GPATCH2L: variants seen among roughly 807,000 people sequenced by gnomAD.
GPATCH2L encodes the protein G-patch domain containing 2 like, also known as G patch domain-containing protein 2-like.
In GPATCH2L, 31 loss-of-function variants were observed where a neutral mutation model predicts 57.4. That is an observed-to-expected ratio of 0.54 (90% CI 0.41 to 0.73). The LOEUF (loss-of-function observed/expected upper bound fraction) is 0.73. GPATCH2L is among the 30% of genes least tolerant of loss of function. The pLI is 0.00. For synonymous variants in GPATCH2L, 199 were observed against 210.7 expected (o/e 0.94, Z 0.48); for missense variants, 481 against 599.9 (o/e 0.80, Z 2.07).
downstream of GPATCH2L, among the ~76,000 whole-genome samples, chr14:76,214,616 G>A (rs186820640): frequency 5.4e-4 from 82 of 152,152 alleles, no homozygotes; most frequent in African/African-American, 1.8e-3. Context: ...AGCTCTCTGG[G>A]GTCTCTTTTA....
At chr14:76,187,494 AT>A (rs1340707082) in intron 8 of GPATCH2L, among the ~76,000 whole-genome samples, 1 of 152,158 alleles carries the variant, frequency 6.6e-6, no homozygotes, top group Non-Finnish European at 1.5e-5. Context: ...CCCTAGAAAT[AT>A]CAAATTTTTT....
chr14:76,217,467 G>A (rs561631561), downstream of GPATCH2L, among the ~76,000 whole-genome samples: 19 of 151,988 alleles, frequency 1.3e-4, no homozygotes, highest in African/African-American at 4.6e-4. Context: ...TTGGTAGAAG[G>A]GAATGTAAAT....
chr14:76,190,434 A>C (rs12432637), intron 8 of GPATCH2L, among the ~76,000 whole-genome samples: 31,229 of 151,936 alleles, frequency 0.21, 3,548 homozygotes, highest in African/African-American at 0.3. Context: ...AAATACCACC[A>C]CAGTGGGGAA....
At position 76,220,522 on chromosome 14, in the gene GPATCH2L, AAGTACCTGAT is replaced by A. The variant is rs1396097680; in HGVS notation, c.66-9280_66-9271del. ...ATAGAAAACAAAATTACAGACCTAGAAGTACCTGATAGTACAAGTAGTGATTAATAATATG... is the reference window on the plus strand; with the variant it reads ...ATAGAAAACAAAATTACAGACCTAGAAGTACAAGTAGTGATTAATAATATG... On this transcript the variant is annotated intron_variant and NMD_transcript_variant, in intron 1 of 3. Coordinates refer to the GPATCH2L transcript ENST00000556372. 3.9e-5 allele frequency among the ~76,000 whole-genome samples: 6 copies of A among 152,354 alleles called. No homozygotes were observed. The South Asian group carries it at 1.2e-3, about 32-fold the overall frequency.
intron 8 of GPATCH2L, among the ~76,000 whole-genome samples, chr14:76,182,601 AAAAAAG>A (rs2039616293): frequency 3.3e-5 from 5 of 150,688 alleles, no homozygotes; most frequent in East Asian, 1.9e-4. Flanking sequence ...AAAAAAAAAA[AAAAAAG>A]AAAAGAATGT....
chr14:76,182,602 A>AAAG, intron 8 of GPATCH2L, among the ~76,000 whole-genome samples: 1 of 149,548 alleles, frequency 6.7e-6, no homozygotes, highest in African/African-American at 2.5e-5. Flanking sequence ...AAAAAAAAAA[A>AAAG]AAAAGAAAAG....
At chr14:76,219,473 G>A (rs992553283) in intron 1 of GPATCH2L, among the ~76,000 whole-genome samples, 1 of 152,142 alleles carries the variant, frequency 6.6e-6, no homozygotes, top group African/African-American at 2.4e-5. Flanking sequence ...CAAGTATAAA[G>A]AGTTGGCAGT....
chr14:76,196,055 A>G (rs925560087), intron 9 of GPATCH2L, 83 bp downstream of exon 9: 12 of 1,006,430 alleles, frequency 1.2e-5, no homozygotes, highest in Middle Eastern at 2.0e-4. Context: ...TTTTCATGTA[A>G]TGTTTGTGAT....
intron 2 of GPATCH2L, among the ~76,000 whole-genome samples, chr14:76,155,936 C>T (rs1387456402): frequency 2.6e-5 from 4 of 152,164 alleles, no homozygotes. Flanking sequence ...TGAGTACTCC[C>T]AGTTGAGAAC....
At chr14:76,184,715 C>G (rs972339821) in intron 8 of GPATCH2L, among the ~76,000 whole-genome samples, 5 of 152,126 alleles carry the variant, frequency 3.3e-5, no homozygotes, top group African/African-American at 1.2e-4. Context: ...GAATAGCACT[C>G]TGGAAATAGT....
In GPATCH2L at chr14:76,213,866, G is replaced by A. The variant is rs2040467936; in HGVS notation, c.*12015G>A. On this transcript the variant is annotated 3_prime_UTR_variant, in exon 10 of 10. Transcript: ENST00000261530. Reference sequence around the variant, plus strand: ...TACATACTTTATTTGAATTGTAGCTGTTTTCCCAGTAATGTTGTTTTTCTG... The same window carrying A: ...TACATACTTTATTTGAATTGTAGCTATTTTCCCAGTAATGTTGTTTTTCTG... The A allele has an allele frequency of 6.6e-6, 1 of 152,124 alleles. No homozygotes were observed. Among genetic ancestry groups the A allele is most frequent in the Admixed American group, 6.6e-5 (1 of 15,262 alleles). The allele number at this position is 152,124 out of a possible 1,614,324, so 9.4% of individuals were successfully genotyped here. A position where few individuals can be genotyped will look rare whatever the true frequency, so the allele number is the denominator to read the frequency against.
downstream of GPATCH2L, among the ~76,000 whole-genome samples, chr14:76,214,805 T>A (rs1324750006): frequency 6.6e-6 from 1 of 152,214 alleles, no homozygotes; most frequent in Admixed American, 6.5e-5. Context: ...CAAAGGTCAG[T>A]CAGTTTTATC....
intron 6 of GPATCH2L, among the ~76,000 whole-genome samples, chr14:76,176,910 A>G (rs891495745): frequency 1.3e-5 from 2 of 152,140 alleles, no homozygotes; most frequent in African/African-American, 4.8e-5. Flanking sequence ...TTATACCTAC[A>G]GATGCTGCAT....
intron 9 of GPATCH2L, among the ~76,000 whole-genome samples, chr14:76,199,202 G>A (rs899693824): frequency 6.6e-5 from 10 of 152,098 alleles, no homozygotes; most frequent in African/African-American, 2.2e-4. Flanking sequence ...GTTTTAAAAA[G>A]TTAAAATCTT....
Position 76,195,296 on chromosome 14 carries a change from G to A in GPATCH2L, c.1194-582G>A, listed in dbSNP as rs2040112353. ...ACAGAATCGTTTGCTTTTAAAATAA[G>A]CTGAGTATTCAGATGAAGGAACATA... On this transcript the variant is annotated intron_variant, in intron 8 of 9. Transcript: ENST00000261530. Among the ~76,000 whole-genome samples the A allele has an allele frequency of 2.6e-5, 4 of 152,240 alleles. No individual in the cohort carries two copies. The South Asian group carries it at 8.3e-4, about 32-fold the overall frequency.
intron 1 of GPATCH2L, among the ~76,000 whole-genome samples, chr14:76,227,939 G>A (rs2139872945): frequency 6.6e-6 from 1 of 152,260 alleles, no homozygotes; most frequent in Non-Finnish European, 1.5e-5. Flanking sequence ...CTGTCCTCAG[G>A]GAGCAAGGAA....
At chr14:76,169,853 A>G (rs1183421215) in intron 3 of GPATCH2L, among the ~76,000 whole-genome samples, 1 of 152,248 alleles carries the variant, frequency 6.6e-6, no homozygotes, top group Admixed American at 6.5e-5. Context: ...TCATCTATGT[A>G]TCTGGTTTCG....
At chr14:76,155,443 G>A (rs1289662152) in intron 2 of GPATCH2L, among the ~76,000 whole-genome samples, 1 of 152,186 alleles carries the variant, frequency 6.6e-6, no homozygotes, top group Non-Finnish European at 1.5e-5. Flanking sequence ...GTTCCATTAA[G>A]TTGCCTGTCC....
At chr14:76,167,481 A>G (rs1854988936) in intron 3 of GPATCH2L, among the ~76,000 whole-genome samples, 1 of 152,206 alleles carries the variant, frequency 6.6e-6, no homozygotes, top group South Asian at 2.1e-4. Context: ...TTAAGCAATT[A>G]AAGGACAGAC....
Sources: allele counts gnomAD v4.1 joint callset (sites outside exome capture counted in the v4.1 genomes callset), GRCh38; gene constraint gnomAD v4.1.1; transcripts MANE v1.5; gene names NCBI Gene and HGNC (gene_info 2026-07-23, HGNC 2026-07-21).